Variants in NXPH2 observed in about 807,000 individuals in gnomAD.
NXPH2 encodes the protein neurexophilin 2, also known as neurexophilin-2.
A neutral mutation model predicts 19.8 loss-of-function variants in NXPH2; 5 were observed. The ratio of observed to expected loss-of-function variants is 0.25; its 90% CI spans 0.13 to 0.53. NXPH2 has a LOEUF of 0.53. NXPH2 is among the 20% of genes least tolerant of loss of function. The probability of loss-of-function intolerance (pLI) is 0.96; values close to 1 mark genes in which losing one functional copy is unlikely to be tolerated. For missense variants in NXPH2, 289 were observed against 322.8 expected, an observed-to-expected ratio of 0.90 and a Z score of 0.80; for synonymous variants, 154 against 127.4, an observed-to-expected ratio of 1.21 and a Z score of -1.41.
At chr2:138,686,915 G>C (rs1271670528) in intron 1 of NXPH2, among the ~76,000 whole-genome samples, 2 of 152,126 alleles carry the variant, frequency 1.3e-5, no homozygotes, top group Non-Finnish European at 2.9e-5. Context: ...GTATTCCATG[G>C]TGTATATGTG....
intron 1 of NXPH2, among the ~76,000 whole-genome samples, chr2:138,767,473 C>A (rs1351321182): frequency 6.6e-6 from 1 of 152,182 alleles, no homozygotes; most frequent in Non-Finnish European, 1.5e-5. Flanking sequence ...ATTTTAAGTT[C>A]TGAGATACAT....
At chr2:138,716,650 A>G (rs552901191) in intron 1 of NXPH2, among the ~76,000 whole-genome samples, 2 of 152,318 alleles carry the variant, frequency 1.3e-5, no homozygotes, top group African/African-American at 4.8e-5. Flanking sequence ...CTAGATACCT[A>G]TCCCTGTTAT....
chr2:138,696,175 T>C (rs757254944), intron 1 of NXPH2, among the ~76,000 whole-genome samples: 5 of 152,188 alleles, frequency 3.3e-5, no homozygotes, highest in African/African-American at 4.8e-5. Flanking sequence ...TGTAGGCACA[T>C]GAACCAGTAT....
chr2:138,718,628 A>C (rs1681228872), intron 1 of NXPH2, among the ~76,000 whole-genome samples: 2 of 152,120 alleles, frequency 1.3e-5, no homozygotes, highest in African/African-American at 4.8e-5. Flanking sequence ...AAGGGAGAAA[A>C]CTAAAAGGAA....
At chr2:138,721,306 A>T (rs1346904620) in intron 1 of NXPH2, among the ~76,000 whole-genome samples, 1 of 151,486 alleles carries the variant, frequency 6.6e-6, no homozygotes, top group Non-Finnish European at 1.5e-5. Context: ...GCACCACTGC[A>T]CTCCAAGCTG....
At chr2:138,726,235 G>T (rs1434801765) in intron 1 of NXPH2, among the ~76,000 whole-genome samples, 1 of 151,956 alleles carries the variant, frequency 6.6e-6, no homozygotes, top group Non-Finnish European at 1.5e-5. Context: ...AGTAGAGATG[G>T]GATTTCACCA....
intron 1 of NXPH2, among the ~76,000 whole-genome samples, chr2:138,754,540 TAG>T (rs1681875863): frequency 6.6e-6 from 1 of 152,234 alleles, no homozygotes; most frequent in Non-Finnish European, 1.5e-5. Flanking sequence ...TATCACTGAA[TAG>T]TATTTCATTG....
Position 138,670,991 on chromosome 2 carries a change from A to G in NXPH2, c.726T>C (p.Tyr242=). 6.2e-7 allele frequency: 1 copy of G among 1,613,988 alleles called. No homozygotes were observed. Among genetic ancestry groups the G allele is most frequent in the South Asian group, 1.1e-5 (1 of 91,090 alleles). The change falls in exon 2 of 2, where the codon TAT becomes TAC. Residue 242 remains tyrosine, a synonymous_variant. Coordinates refer to ENST00000272641, the MANE Select transcript of NXPH2 (RefSeq NM_007226.3). ...CAGGGCACACCTTTTGCACGAGTTT[A>G]TAATCAACACTGTAAAAGGCAATGT... The part of the protein sequence containing the change: ...CIYIAFYSVD[Y]KLVQKVCPDY...
intron 1 of NXPH2, among the ~76,000 whole-genome samples, chr2:138,672,909 G>A (rs1320126687): frequency 1.3e-5 from 2 of 152,140 alleles, no homozygotes; most frequent in Non-Finnish European, 2.9e-5. Flanking sequence ...GATAACACGA[G>A]GTTATCTATT....
At chr2:138,688,369 A>T (rs980300713) in intron 1 of NXPH2, among the ~76,000 whole-genome samples, 1 of 152,110 alleles carries the variant, frequency 6.6e-6, no homozygotes, top group Non-Finnish European at 1.5e-5. Context: ...TTTAGTAGAT[A>T]TGGGGTTTCA....
chr2:138,698,355 AAGTT>A (rs548307262), intron 1 of NXPH2, among the ~76,000 whole-genome samples: 151 of 152,350 alleles, frequency 9.9e-4, no homozygotes, highest in African/African-American at 3.0e-3. Flanking sequence ...CAATGGAAAA[AAGTT>A]AGAATGAATA....
intron 1 of NXPH2, among the ~76,000 whole-genome samples, chr2:138,779,353 C>CTATA (rs1682313350): frequency 1.3e-5 from 2 of 152,212 alleles, no homozygotes; most frequent in Admixed American, 1.3e-4. Flanking sequence ...TTTCCCTCAA[C>CTATA]TATAATTAGC....
At chr2:138,739,008 AT>A (rs926490505) in intron 1 of NXPH2, among the ~76,000 whole-genome samples, 3 of 151,394 alleles carry the variant, frequency 2.0e-5, no homozygotes, top group Non-Finnish European at 4.4e-5. Flanking sequence ...AAACAGAGTT[AT>A]TTTTTTTTGA....
rs538481975 is a variant in NXPH2, at chr2:138,689,350, G to C, written c.52-17685C>G. On this transcript the variant is annotated intron_variant, in intron 1 of 1. Transcript: ENST00000272641. ...GGCCCCAGAGGAGGAGAGTGGTTGGGTTTGGTGGAGGGGCTTGGTCAGATG... is the reference window on the plus strand; with the variant it reads ...GGCCCCAGAGGAGGAGAGTGGTTGGCTTTGGTGGAGGGGCTTGGTCAGATG... Among the ~76,000 whole-genome samples the C allele has an allele frequency of 4.6e-5, 7 of 152,336 alleles. No individual in the cohort carries two copies. In the East Asian group the frequency reaches 1.4e-3, roughly 29 times the overall value.
chr2:138,771,253 A>C (rs1682170334), intron 1 of NXPH2, among the ~76,000 whole-genome samples: 1 of 152,196 alleles, frequency 6.6e-6, no homozygotes, highest in Admixed American at 6.5e-5. Context: ...ATCTTTAAAA[A>C]TATAAGTTGC....
At chr2:138,755,034 T>C (rs2104835587) in intron 1 of NXPH2, among the ~76,000 whole-genome samples, 1 of 152,296 alleles carries the variant, frequency 6.6e-6, no homozygotes, top group Non-Finnish European at 1.5e-5. Context: ...TATCAGATCT[T>C]TTGGCCATCT....
chr2:138,703,936 A>T (rs541368431), intron 1 of NXPH2, among the ~76,000 whole-genome samples: 1 of 152,344 alleles, frequency 6.6e-6, no homozygotes, highest in East Asian at 1.9e-4. Context: ...GCAACCTCTG[A>T]CATTCACAGG....
chr2:138,715,532 T>C (rs888735867), intron 1 of NXPH2, among the ~76,000 whole-genome samples: 3 of 152,240 alleles, frequency 2.0e-5, no homozygotes, highest in African/African-American at 7.2e-5. Flanking sequence ...CCAGGGTTTG[T>C]TTACCAAGTG....
At chr2:138,768,196 T>C (rs904267760) in intron 1 of NXPH2, among the ~76,000 whole-genome samples, 3 of 152,208 alleles carry the variant, frequency 2.0e-5, no homozygotes, top group Admixed American at 6.5e-5. Flanking sequence ...AGGTAAGTTG[T>C]TCTGTTTTCT....
Sources: allele counts gnomAD v4.1 joint callset (sites outside exome capture counted in the v4.1 genomes callset), GRCh38; gene constraint gnomAD v4.1.1; transcripts MANE v1.5; gene names NCBI Gene and HGNC (gene_info 2026-07-23, HGNC 2026-07-21).